ABCA13: variants seen among roughly 807,000 people sequenced by gnomAD.
The protein encoded by ABCA13 is ATP-binding cassette sub-family A member 13.
Under a neutral mutation model 478.7 loss-of-function variants are expected in ABCA13, and 476 were observed. The observed-to-expected ratio is 0.99, with a 90% CI of 0.92 to 1.07. The LOEUF (loss-of-function observed/expected upper bound fraction) is 1.07. Among genes scored for constraint, ABCA13 ranks in the 50% least tolerant of loss-of-function variants. ABCA13 has a pLI of 0.00. For missense variants in ABCA13, 6,060 were observed against 5,910.6 expected, an observed-to-expected ratio of 1.03 and a Z score of -0.83; for synonymous variants, 2,252 against 2,158.9, an observed-to-expected ratio of 1.04 and a Z score of -1.20.
At chr7:48,305,169 G>A (rs539636287) in intron 23 of ABCA13, among the ~76,000 whole-genome samples, 4 of 152,282 alleles carry the variant, frequency 2.6e-5, no homozygotes, top group African/African-American at 7.2e-5. Flanking sequence ...ACCCTTTGGA[G>A]CCCTTTGTCT....
chr7:48,618,704 G>A (rs1792842843), intron 59 of ABCA13, among the ~76,000 whole-genome samples: 1 of 152,176 alleles, frequency 6.6e-6, no homozygotes, highest in South Asian at 2.1e-4. Context: ...AGTGGGCTGT[G>A]CAGCATAGGG....
At chr7:48,553,734 C>T (rs558725073) in intron 55 of ABCA13, among the ~76,000 whole-genome samples, 13 of 152,088 alleles carry the variant, frequency 8.5e-5, no homozygotes, top group Non-Finnish European at 5.9e-5. Flanking sequence ...GGATAGTTTG[C>T]AAATATTTTC....
chr7:48,274,951 G>A lies in ABCA13; in HGVS notation c.5285G>A (p.Gly1762Asp), dbSNP rs1356520347. 6.2e-7 allele frequency: 1 copy of A among 1,613,740 alleles called. No individual in the cohort carries two copies. Among genetic ancestry groups the A allele is most frequent in the Non-Finnish European group, 8.5e-7 (1 of 1,179,696 alleles). The change falls in exon 17 of 62, where the codon GGT becomes GAT. Residue 1762 changes from glycine (G) to aspartate (D), a missense_variant. Around this residue, in one of 3 missense-constraint regions of ABCA13, gnomAD observed 4,423 missense variants for 4,309.1 expected, o/e 1.03. Transcript: ENST00000435803. ...HAVRLLQGVPGKNITEGLKDV... is the reference protein window; with the variant it reads ...HAVRLLQGVPDKNITEGLKDV... The stretch of plus-strand genomic sequence containing the variant: ...GTAAGGCTCCTGCAGGGAGTACCTG[G>A]TAAAAACATCACTGAAGGCCTCAAG...
intron 15 of ABCA13, among the ~76,000 whole-genome samples, chr7:48,266,675 A>T (rs1455543719): frequency 1.3e-5 from 2 of 151,388 alleles, no homozygotes; most frequent in African/African-American, 4.8e-5. Context: ...ATTTTTCTCT[A>T]ATGTTTTTAT....
rs537976754 is a variant in ABCA13 at position 48,454,304 on chromosome 7, C to T, written c.12566-733C>T. Among the ~76,000 whole-genome samples, 6 of 152,314 alleles carry T rather than the reference C, an allele frequency of 3.9e-5. No individual in the cohort carries two copies. In the East Asian group the frequency reaches 1.2e-3, roughly 29 times the overall value. On this transcript the variant is annotated intron_variant, in intron 42 of 61. Coordinates refer to ENST00000435803, the MANE Select transcript of ABCA13 (RefSeq NM_152701.5). ...TGGACAGAAAAGCTGCTCTCCACAG[C>T]TTGTTTGGAACGTGCAACCTCAACT... is the stretch of plus-strand genomic sequence containing the variant.
chr7:48,458,776 G>A (rs1014488239), intron 43 of ABCA13, among the ~76,000 whole-genome samples: 1 of 152,078 alleles, frequency 6.6e-6, no homozygotes, highest in Non-Finnish European at 1.5e-5. Context: ...GAGCTTCTTG[G>A]GCCCAAACAA....
Position 48,178,975 on chromosome 7 carries a change from CTAATAATAATAA to C in ABCA13, c.69+7460_69+7471del, listed in dbSNP as rs369219799. ...ACGTGGCTTCTGTGCAAAACAAAAA[CTAATAATAATAA>C]TAATAATAATAATAATAATAATAAT... On this transcript the variant is annotated intron_variant, in intron 1 of 61. Coordinates refer to ENST00000435803, the MANE Select transcript of ABCA13 (RefSeq NM_152701.5). Among the ~76,000 whole-genome samples the C allele has an allele frequency of 6.7e-3, 949 of 142,064 alleles. 9 individuals are homozygous for C. The highest frequency in any genetic ancestry group is 0.013 in the South Asian group (56 of 4,478). The allele number at this position is 142,064 out of a possible 152,430, so 93.2% of individuals were successfully genotyped here. A position where few individuals can be genotyped will look rare whatever the true frequency, so the allele number is the denominator to read the frequency against.
chr7:48,584,043 C>G lies in ABCA13; in HGVS notation c.14506-3111C>G, dbSNP rs1396259810. On this transcript the variant is annotated intron_variant, in intron 56 of 61. Transcript: ENST00000435803. Reference sequence around the variant, plus strand: ...ATAAAAATATGCAATAATAATTTGGCAAGTTTATTCAAAATGTAACTTGCA... The same window carrying G: ...ATAAAAATATGCAATAATAATTTGGGAAGTTTATTCAAAATGTAACTTGCA... 2.0e-5 allele frequency among the ~76,000 whole-genome samples: 3 copies of G among 152,252 alleles called. No individual in the cohort carries two copies. In the South Asian group the frequency reaches 6.2e-4, roughly 32 times the overall value.
intron 59 of ABCA13, among the ~76,000 whole-genome samples, chr7:48,638,430 C>T (rs1354094648): frequency 6.6e-6 from 1 of 152,136 alleles, no homozygotes; most frequent in Admixed American, 6.5e-5. Flanking sequence ...TATACGATCT[C>T]GTCTTTAAAC....
chr7:48,468,846 G>A (rs1195237610), intron 44 of ABCA13, among the ~76,000 whole-genome samples: 1 of 152,164 alleles, frequency 6.6e-6, no homozygotes, highest in African/African-American at 2.4e-5. Context: ...CCTCTCATAC[G>A]AAGACAATGA....
intron 27 of ABCA13, among the ~76,000 whole-genome samples, chr7:48,319,056 G>T (rs951408443): frequency 4.6e-5 from 7 of 151,814 alleles, no homozygotes; most frequent in African/African-American, 1.7e-4. Flanking sequence ...CACAGGCTGT[G>T]GGGGGCAGCT....
chr7:48,561,297 T>A lies in ABCA13; in HGVS notation c.14355-18927T>A, dbSNP rs565647493. On this transcript the variant is annotated intron_variant, in intron 55 of 61. Coordinates refer to ENST00000435803, the MANE Select transcript of ABCA13 (RefSeq NM_152701.5). Reference sequence around the variant, plus strand: ...GCTGGGTCAAATAATATTATATTTTTAGTTTTTTTGAGTGATCTTTATACT... The same window carrying A: ...GCTGGGTCAAATAATATTATATTTTAAGTTTTTTTGAGTGATCTTTATACT... Among the ~76,000 whole-genome samples the A allele has an allele frequency of 2.6e-5, 4 of 152,254 alleles. 1 individual carries two copies. Among genetic ancestry groups the A allele is most frequent in the African/African-American group, 9.6e-5 (4 of 41,568 alleles).
At position 48,276,028 on chromosome 7, in the gene ABCA13, A is replaced by AT. The variant is rs2128762215; in HGVS notation, c.6366dup (p.Leu2123SerfsTer14). ...TTGAAGACATTAGAAATTATTGAAG[A>AT]TTTTCTATTGGTCACAAAAAACTGG... On this transcript the variant is annotated frameshift_variant, in exon 17 of 62. Transcript: ENST00000435803. LOFTEE classifies it high-confidence loss of function. The AT allele has an allele frequency of 6.2e-7, 1 of 1,610,248 alleles. No individual in the cohort carries two copies. Among genetic ancestry groups the AT allele is most frequent in the Non-Finnish European group, 8.5e-7 (1 of 1,177,974 alleles).
At chr7:48,265,689 G>A (rs1794778221) in intron 15 of ABCA13, among the ~76,000 whole-genome samples, 2 of 151,368 alleles carry the variant, frequency 1.3e-5, no homozygotes, top group Non-Finnish European at 3.0e-5. Context: ...TCATCAGATT[G>A]TCTATAAATC....
At chr7:48,404,434 T>C (rs1161024808) in intron 39 of ABCA13, 1 of 176,224 alleles carries the variant, frequency 5.7e-6, no homozygotes, top group Non-Finnish European at 1.2e-5. Context: ...AGCATTGTTC[T>C]ATGTATTTTC....
intron 17 of ABCA13, 115 bp from the exon 18 acceptor site, chr7:48,277,979 C>T: frequency 3.2e-6 from 1 of 315,840 alleles, no homozygotes; most frequent in African/African-American, 2.2e-5. Flanking sequence ...GTATTATCTT[C>T]CCATGATGCT....
chr7:48,560,448 G>T (rs1786340351), intron 55 of ABCA13, among the ~76,000 whole-genome samples: 1 of 152,122 alleles, frequency 6.6e-6, no homozygotes, highest in African/African-American at 2.4e-5. Flanking sequence ...ACCCTCTTCA[G>T]TGCCTCTTTT....
intron 33 of ABCA13, among the ~76,000 whole-genome samples, chr7:48,372,781 T>A (rs755131113): frequency 3.3e-5 from 5 of 152,186 alleles, no homozygotes; most frequent in Non-Finnish European, 7.3e-5. Flanking sequence ...TATAACTTTA[T>A]TTTCTCTTTC....
At chr7:48,590,022 G>A (rs1321409015) in intron 57 of ABCA13, among the ~76,000 whole-genome samples, 1 of 152,062 alleles carries the variant, frequency 6.6e-6, no homozygotes, top group Non-Finnish European at 1.5e-5. Context: ...TGTATATTAG[G>A]TCTCCAGAAC....
Sources: gnomAD v4.1 joint callset for allele counts (sites outside exome capture counted in the v4.1 genomes callset) on GRCh38, gnomAD v4.1.1 for gene constraint, gnomAD v4.1.1 regional missense constraint, MANE v1.5 for transcripts, NCBI Gene and HGNC (gene_info 2026-07-23, HGNC 2026-07-21) for gene names.